Variants in CFAP20DC observed in about 807,000 individuals in gnomAD.
The protein encoded by CFAP20DC is protein CFAP20DC.
CFAP20DC carries 84 observed loss-of-function variants against 101.7 expected under a neutral mutation model. The ratio of observed to expected loss-of-function variants is 0.83; its 90% CI spans 0.69 to 0.99. CFAP20DC has a LOEUF of 0.99. Ranked by LOEUF, CFAP20DC falls within the 50% of genes least tolerant of loss-of-function variation. The probability of loss-of-function intolerance (pLI) is 0.00; values close to 1 mark genes in which losing one functional copy is unlikely to be tolerated. For synonymous variants in CFAP20DC, 359 were observed against 351.2 expected (o/e 1.02, Z -0.25); for missense variants, 1,007 against 970.3 (o/e 1.04, Z -0.50).
intron 15 of CFAP20DC, among the ~76,000 whole-genome samples, chr3:58,766,610 T>G (rs973770946): frequency 3.9e-5 from 6 of 152,344 alleles, no homozygotes; most frequent in Admixed American, 1.3e-4. Context: ...CGGGAAGCCA[T>G]CATCCTCAGG....
intron 4 of CFAP20DC, among the ~76,000 whole-genome samples, chr3:58,982,622 C>T (rs985880228): frequency 6.8e-6 from 1 of 147,212 alleles, no homozygotes; most frequent in Non-Finnish European, 1.5e-5. Flanking sequence ...AAAACAAACA[C>T]CGCATGTTCT....
At chr3:58,933,723 A>G (rs538740037) in intron 5 of CFAP20DC, among the ~76,000 whole-genome samples, 91 of 151,940 alleles carry the variant, frequency 6.0e-4, no homozygotes, top group Non-Finnish European at 1.2e-3. Context: ...TTTGAAACCA[A>G]TGAGAACAAA....
At chr3:58,740,891 A>C (rs920040268), downstream of CFAP20DC, among the ~76,000 whole-genome samples, 21 of 152,298 alleles carry the variant, frequency 1.4e-4, no homozygotes, top group African/African-American at 4.3e-4. The surrounding 1 kb of genome is among the most constrained non-coding windows in gnomAD (Gnocchi z 4.6). Context: ...ATCATTTTGC[A>C]TGCTTTGGAA....
chr3:58,960,795 T>C (rs2091070351), intron 4 of CFAP20DC, among the ~76,000 whole-genome samples: 1 of 152,218 alleles, frequency 6.6e-6, no homozygotes, highest in Admixed American at 6.5e-5. Context: ...TTCATTATAC[T>C]AGAATACAAT....
chr3:58,814,027 T>C (rs1323930023), intron 14 of CFAP20DC, among the ~76,000 whole-genome samples: 2 of 151,936 alleles, frequency 1.3e-5, no homozygotes, highest in East Asian at 3.8e-4. Flanking sequence ...CACACTGGTA[T>C]AGAAATACTC....
intron 12 of CFAP20DC, among the ~76,000 whole-genome samples, chr3:58,851,480 C>T (rs909838091): frequency 2.6e-5 from 4 of 152,118 alleles, no homozygotes; most frequent in African/African-American, 4.8e-5. Flanking sequence ...AACCCATGCC[C>T]TGTTATAATT....
intron 14 of CFAP20DC, among the ~76,000 whole-genome samples, chr3:58,825,650 G>C (rs2075992076): frequency 1.3e-5 from 2 of 151,976 alleles, no homozygotes; most frequent in Non-Finnish European, 2.9e-5. Context: ...CCTTCCAAAG[G>C]CTGCCGAGAG....
intron 3 of CFAP20DC, among the ~76,000 whole-genome samples, chr3:58,736,287 TG>T (rs1188569721): frequency 6.6e-6 from 1 of 152,208 alleles, no homozygotes; most frequent in East Asian, 1.9e-4. Flanking sequence ...CTAAAAGGTT[TG>T]TAAGTTTTCA....
At chr3:58,995,975 A>AATCAATCT (rs370222448) in intron 4 of CFAP20DC, among the ~76,000 whole-genome samples, 1,992 of 145,260 alleles carry the variant, frequency 0.014, 17 homozygotes, top group East Asian at 0.057. Flanking sequence ...CTGTATAATA[A>AATCAATCT]ATCTATCTAT....
intron 6 of CFAP20DC, among the ~76,000 whole-genome samples, chr3:58,891,177 C>T: frequency 6.6e-6 from 1 of 152,018 alleles, no homozygotes; most frequent in Non-Finnish European, 1.5e-5. Context: ...AATCCCGGCA[C>T]CTTGGGAGGC....
chr3:58,759,728 G>T (rs1052669513), intron 15 of CFAP20DC, among the ~76,000 whole-genome samples: 3 of 152,190 alleles, frequency 2.0e-5, no homozygotes, highest in African/African-American at 7.2e-5. Context: ...GCAAGGAAGG[G>T]ATCCAATTTC....
At chr3:59,008,501 C>T (rs571676253) in intron 4 of CFAP20DC, among the ~76,000 whole-genome samples, 41 of 152,280 alleles carry the variant, frequency 2.7e-4, no homozygotes, top group African/African-American at 9.6e-4. Flanking sequence ...AAATGTGGCA[C>T]ATACACACCA....
At chr3:58,928,087 A>C (rs1051596067) in intron 5 of CFAP20DC, among the ~76,000 whole-genome samples, 2 of 152,202 alleles carry the variant, frequency 1.3e-5, no homozygotes, top group Non-Finnish European at 2.9e-5. Context: ...AGATACATTA[A>C]GATTTGTCAA....
Position 59,035,116 on chromosome 3 carries a change from C to A in CFAP20DC, c.278+4441G>T, listed in dbSNP as rs1045426058. ...TACTGGGTAAATAATGAAATCAAGG[C>A]AGAAATAAATAAGTTCTTTGAAACC... On this transcript the variant is annotated intron_variant, in intron 4 of 16. Coordinates refer to ENST00000482387, the MANE Select transcript of CFAP20DC (RefSeq NM_001394063.1). Among the ~76,000 whole-genome samples, 4 of 152,196 alleles carry A rather than the reference C, an allele frequency of 2.6e-5. No individual in the cohort carries two copies. The South Asian group carries it at 8.3e-4, about 32-fold the overall frequency.
chr3:58,727,659 A>C (rs1344912003), intron 3 of CFAP20DC: 1 of 152,182 alleles, frequency 6.6e-6, no homozygotes, highest in Non-Finnish European at 1.5e-5. Context: ...GGCTGGTCTC[A>C]AACTCCGGAC....
chr3:59,018,744 T>C (rs1182202341), intron 4 of CFAP20DC: 2 of 152,112 alleles, frequency 1.3e-5, no homozygotes, highest in Admixed American at 6.6e-5. Context: ...AAAAACATAA[T>C]TGCTATGAAG....
intron 14 of CFAP20DC, chr3:58,824,331 A>G (rs930536053): frequency 3.3e-5 from 5 of 152,192 alleles, no homozygotes; most frequent in Non-Finnish European, 5.9e-5. Flanking sequence ...ATATCATGCA[A>G]AAACGCTGAT....
intron 14 of CFAP20DC, among the ~76,000 whole-genome samples, chr3:58,814,902 G>A (rs1221458815): frequency 6.7e-6 from 1 of 150,220 alleles, no homozygotes; most frequent in Non-Finnish European, 1.5e-5. Flanking sequence ...TGGGTAGGAA[G>A]AATCAATATC....
intron 4 of CFAP20DC, among the ~76,000 whole-genome samples, chr3:58,978,292 C>A (rs762148234): frequency 6.6e-6 from 1 of 152,140 alleles, no homozygotes; most frequent in African/African-American, 2.4e-5. Context: ...CTTCTTTCTA[C>A]GCGTCAAGAG....
Sources: allele counts gnomAD v4.1 joint callset (sites outside exome capture counted in the v4.1 genomes callset), GRCh38; gene constraint gnomAD v4.1.1; non-coding constraint Gnocchi (gnomAD v3.1); transcripts MANE v1.5; gene names NCBI Gene and HGNC (gene_info 2026-07-23, HGNC 2026-07-21).